RSU1: variants seen among roughly 807,000 people sequenced by gnomAD.
RSU1 encodes the protein Ras suppressor protein 1.
A neutral mutation model predicts 31.1 loss-of-function variants in RSU1; 26 were observed. That is an observed-to-expected ratio of 0.84 (90% CI 0.61 to 1.16). The LOEUF (loss-of-function observed/expected upper bound fraction) is 1.16, where lower values mean the gene tolerates loss of function less well. Ranked by LOEUF, RSU1 falls within the 50% of genes most tolerant of loss-of-function variation. The pLI is 0.00. For missense variants in RSU1, 320 were observed against 339.1 expected (o/e 0.94, Z 0.44); for synonymous variants, 164 against 136.3 (o/e 1.20, Z -1.41).
At position 16,749,305 on chromosome 10, in the gene RSU1, C is replaced by G. The variant is rs574352786; in HGVS notation, c.598+3234G>C. The stretch of plus-strand genomic sequence containing the variant: ...AGCCCCTGACTTTATTTTGCTGTGT[C>G]CCTGTATGTTCTCAGACCTGATAAA... On this transcript the variant is annotated intron_variant, in intron 7 of 8. Coordinates refer to ENST00000345264, the MANE Select transcript of RSU1 (RefSeq NM_012425.4). Among the ~76,000 whole-genome samples, 315 of 152,282 alleles carry G rather than the reference C, an allele frequency of 2.1e-3. 2 individuals are homozygous for G. The highest frequency in any genetic ancestry group is 7.4e-3 in the African/African-American group (307 of 41,546).
rs190671195 is a variant in RSU1, at chr10:16,689,421, C to T, written c.731+5602G>A. On this transcript the variant is annotated intron_variant, in intron 8 of 8. Coordinates refer to ENST00000345264, the MANE Select transcript of RSU1 (RefSeq NM_012425.4). ...AGTTATTTAAAGAATTTCTAGGCCA[C>T]TGACTCAGCAGTCACTAGAGGATAT... 2.2e-3 allele frequency among the ~76,000 whole-genome samples: 339 copies of T among 152,330 alleles called. 1 individual carries two copies. Among genetic ancestry groups the T allele is most frequent in the African/African-American group, 7.4e-3 (309 of 41,564 alleles).
At chr10:16,766,336 C>T (rs1375385283) in intron 3 of RSU1, among the ~76,000 whole-genome samples, 1 of 152,240 alleles carries the variant, frequency 6.6e-6, no homozygotes, top group Admixed American at 6.5e-5. Flanking sequence ...AGTGTGGCTG[C>T]AAATGTACAT....
At position 16,803,972 on chromosome 10, in the gene RSU1, T is replaced by G. The variant is rs73590351; in HGVS notation, c.109+13001A>C. ...AAGGCACAACTTACGAAGGAAAAAC[T>G]TGATAAGACTTCATTATAATTAAAA... On this transcript the variant is annotated intron_variant, in intron 2 of 8. Transcript: ENST00000345264. Among the ~76,000 whole-genome samples, 646 of 152,252 alleles carry G rather than the reference T, an allele frequency of 4.2e-3. 4 individuals are homozygous for G. Among genetic ancestry groups the G allele is most frequent in the African/African-American group, 0.014 (598 of 41,550 alleles).
intron 8 of RSU1, among the ~76,000 whole-genome samples, chr10:16,605,740 T>C (rs1228147377): frequency 6.6e-6 from 1 of 152,210 alleles, no homozygotes; most frequent in Non-Finnish European, 1.5e-5. Flanking sequence ...TTATCCTCTG[T>C]GGTGGAACTC....
At chr10:16,648,140 T>TATTTTTTATTTTA (rs1432068030) in intron 8 of RSU1, among the ~76,000 whole-genome samples, 30 of 151,704 alleles carry the variant, frequency 2.0e-4, no homozygotes, top group Admixed American at 1.8e-3. Flanking sequence ...AAATTTTTTT[T>TATTTTTTATTTTA]TTTTTTTAAG....
At chr10:16,630,313 C>A (rs1250953164) in intron 8 of RSU1, among the ~76,000 whole-genome samples, 1 of 152,222 alleles carries the variant, frequency 6.6e-6, no homozygotes, top group Non-Finnish European at 1.5e-5. Flanking sequence ...CATAACTACA[C>A]AAAATGATTA....
intron 7 of RSU1, among the ~76,000 whole-genome samples, chr10:16,722,766 A>G (rs1028053478): frequency 3.9e-5 from 6 of 152,042 alleles, no homozygotes; most frequent in South Asian, 2.1e-4. Flanking sequence ...ACATATGTGT[A>G]TATCTGTATA....
intron 8 of RSU1, among the ~76,000 whole-genome samples, chr10:16,663,572 G>A (rs1834927350): frequency 1.3e-5 from 2 of 152,150 alleles, no homozygotes; most frequent in South Asian, 4.1e-4. Flanking sequence ...CAGTGCAGGA[G>A]CCTCTGCAGG....
chr10:16,745,453 A>C (rs1313757434), intron 7 of RSU1, among the ~76,000 whole-genome samples: 4 of 152,134 alleles, frequency 2.6e-5, no homozygotes, highest in Non-Finnish European at 5.9e-5. Context: ...GTTTAACTGG[A>C]CTTATAGTTC....
At chr10:16,734,438 A>T (rs1164008331) in intron 7 of RSU1, among the ~76,000 whole-genome samples, 2 of 152,218 alleles carry the variant, frequency 1.3e-5, no homozygotes, top group South Asian at 4.1e-4. Context: ...CCTAGAATAA[A>T]GGGTTACAAT....
intron 7 of RSU1, among the ~76,000 whole-genome samples, chr10:16,718,757 G>C (rs143455349): frequency 0.034 from 5,228 of 152,204 alleles, 305 homozygotes; most frequent in African/African-American, 0.12. Flanking sequence ...GAGGCGGGCA[G>C]ATCACCTGAG....
intron 8 of RSU1, among the ~76,000 whole-genome samples, chr10:16,654,786 T>A (rs961049827): frequency 6.6e-6 from 1 of 151,650 alleles, no homozygotes; most frequent in African/African-American, 2.4e-5. Flanking sequence ...GGGCCCAGCA[T>A]AGTGGCTCAT....
At position 16,635,326 on chromosome 10, in the gene RSU1, C is replaced by A. The variant is rs1171811727; in HGVS notation, c.732-41830G>T. 1.3e-5 allele frequency among the ~76,000 whole-genome samples: 2 copies of A among 152,208 alleles called. 1 individual carries two copies. The highest frequency in any genetic ancestry group is 4.1e-4 in the South Asian group (2 of 4,826). On this transcript the variant is annotated intron_variant, in intron 8 of 8. Transcript: ENST00000345264. ...CATTCTCTATCCCTCTGCTAACCAA[C>A]TATTTCATATCCTTTCCTCTCTCTG...
chr10:16,611,454 T>A (rs750867739), intron 8 of RSU1, among the ~76,000 whole-genome samples: 6 of 152,216 alleles, frequency 3.9e-5, no homozygotes, highest in Non-Finnish European at 7.3e-5. Context: ...AATACACAAC[T>A]GAAAACTAAA....
intron 8 of RSU1, among the ~76,000 whole-genome samples, chr10:16,658,646 C>T (rs985410058): frequency 6.6e-5 from 10 of 152,190 alleles, no homozygotes; most frequent in African/African-American, 1.7e-4. Flanking sequence ...ACTGCTTGAA[C>T]CCGGGAGGTG....
intron 7 of RSU1, among the ~76,000 whole-genome samples, chr10:16,704,933 G>T (rs1835864115): frequency 6.6e-6 from 1 of 151,940 alleles, no homozygotes; most frequent in Non-Finnish European, 1.5e-5. Flanking sequence ...TAATACATTT[G>T]TAATTTTGTG....
intron 3 of RSU1, among the ~76,000 whole-genome samples, chr10:16,778,278 C>T (rs1178964687): frequency 6.6e-6 from 1 of 151,952 alleles, no homozygotes; most frequent in East Asian, 1.9e-4. Context: ...GAGTAAGAAA[C>T]AGAAGTCTGT....
chr10:16,809,758 A>G (rs1838363615), intron 2 of RSU1, among the ~76,000 whole-genome samples: 1 of 152,172 alleles, frequency 6.6e-6, no homozygotes, highest in African/African-American at 2.4e-5. Flanking sequence ...AATAAATAAT[A>G]CAGGGTATGG....
chr10:16,671,044 G>C (rs1157725536), intron 8 of RSU1, among the ~76,000 whole-genome samples: 1 of 152,150 alleles, frequency 6.6e-6, no homozygotes, highest in East Asian at 1.9e-4. Flanking sequence ...GGGATTACAG[G>C]CATGAGCCAC....
Sources: gnomAD v4.1 joint callset for allele counts (sites outside exome capture counted in the v4.1 genomes callset) on GRCh38, gnomAD v4.1.1 for gene constraint, MANE v1.5 for transcripts, NCBI Gene and HGNC (gene_info 2026-07-23, HGNC 2026-07-21) for gene names.